The following DUSP4 variants were observed in gnomAD, a reference collection of about 807,000 sequenced individuals.
The protein encoded by DUSP4 is dual specificity phosphatase 4, also known as dual specificity protein phosphatase 4.
Under a neutral mutation model 27.2 loss-of-function variants are expected in DUSP4, and 12 were observed. The ratio of observed to expected loss-of-function variants is 0.44; its 90% CI spans 0.28 to 0.71. The LOEUF is 0.71. Among genes scored for constraint, DUSP4 ranks in the 30% least tolerant of loss-of-function variants. The probability of loss-of-function intolerance (pLI) is 0.14; values close to 1 mark genes in which losing one functional copy is unlikely to be tolerated. For missense variants in DUSP4, 448 were observed against 551.3 expected (o/e 0.81, Z 1.88); for synonymous variants, 257 against 245.2 (o/e 1.05, Z -0.45).
At chr8:29,340,942 A>T (rs970735041) in intron 1 of DUSP4, among the ~76,000 whole-genome samples, 3 of 152,288 alleles carry the variant, frequency 2.0e-5, no homozygotes, top group Non-Finnish European at 4.4e-5. Context: ...TAAAAAAAGA[A>T]GATGATGATA....
At chr8:29,348,862 G>A (rs1226400152) in intron 1 of DUSP4, 7 of 922,062 alleles carry the variant, frequency 7.6e-6, no homozygotes, top group Admixed American at 6.2e-5. Flanking sequence ...GGAATGCGGC[G>A]GCGGGAGGCG....
intron 1 of DUSP4, chr8:29,345,905 A>G: frequency 1.1e-6 from 1 of 904,156 alleles, no homozygotes; most frequent in Non-Finnish European, 1.3e-6. Context: ...CTTGGCTGTC[A>G]TGGGCATTGT....
Position 29,337,138 on chromosome 8 carries a change from G to T in DUSP4, c.1073C>A (p.Ala358Asp). The change falls in exon 4 of 4, where the codon GCC becomes GAC. Residue 358 changes from alanine to aspartate, a missense_variant. This residue lies in a region of DUSP4 where 100 missense variants were observed against 139.8 expected (regional missense o/e 0.72). Coordinates refer to ENST00000240100, the MANE Select transcript of DUSP4 (RefSeq NM_001394.7). The surrounding 1 kb of genome is among the most constrained non-coding windows in gnomAD (Gnocchi z 6.4). Reference sequence around the variant, plus strand: ...GAAGACGAACTGCGAGGTGGGGGTGGCGGGGGTCTTGCCCCGCTCCCGCAG... The same window carrying T: ...GAAGACGAACTGCGAGGTGGGGGTGTCGGGGGTCTTGCCCCGCTCCCGCAG... ...GPLRERGKTPATPTSQFVFSF... is the reference protein window; with the variant it reads ...GPLRERGKTPDTPTSQFVFSF... 1 of 1,611,082 alleles carries T rather than the reference G, an allele frequency of 6.2e-7. No individual in the cohort carries two copies.
intron 1 of DUSP4, among the ~76,000 whole-genome samples, chr8:29,340,973 T>C (rs1017116890): frequency 6.6e-6 from 1 of 151,598 alleles, no homozygotes; most frequent in Non-Finnish European, 1.5e-5. Context: ...TGAGCTGGGG[T>C]AGGGTGAGTG....
At position 29,337,534 on chromosome 8, in the gene DUSP4, C is replaced by A. The variant is rs1486004431; in HGVS notation, c.800-123G>T. The A allele has an allele frequency of 2.9e-6, 4 of 1,376,050 alleles. No homozygotes were observed. The highest frequency in any genetic ancestry group is 3.9e-6 in the Non-Finnish European group (4 of 1,033,680). The allele number at this position is 1,376,050 out of a possible 1,614,324, so 85.2% of individuals were successfully genotyped here. On this transcript the variant is annotated intron_variant, in intron 3 of 3. Transcript: ENST00000240100. This position sits in a 1 kb window ranked among gnomAD's most constrained non-coding sequence, Gnocchi z 6.4. The stretch of plus-strand genomic sequence containing the variant: ...AGGACTAGCCGTGCTAGACCAAGGA[C>A]TGGAGAGGAAGAAAACCCATGTAGG...
At chr8:29,341,811 G>A (rs1030666648) in intron 1 of DUSP4, among the ~76,000 whole-genome samples, 2 of 152,192 alleles carry the variant, frequency 1.3e-5, no homozygotes, top group African/African-American at 4.8e-5. Context: ...TCCTTCAGGG[G>A]CTTCTGTGAT....
At position 29,333,991 on chromosome 8, in the gene DUSP4, T is replaced by C. The variant is rs1817533991; in HGVS notation, c.*3035A>G. On this transcript the variant is annotated 3_prime_UTR_variant, in exon 4 of 4. Coordinates refer to ENST00000240100, the MANE Select transcript of DUSP4 (RefSeq NM_001394.7). ...TGGATGAGCAACTGAACAAAATGGC[T>C]TTGGGAGGGAATGATGGGAGCTGGG... 1 of 152,222 alleles carries C rather than the reference T, an allele frequency of 6.6e-6. No individual in the cohort carries two copies. Among genetic ancestry groups the C allele is most frequent in the African/African-American group, 2.4e-5 (1 of 41,422 alleles). The allele number at this position is 152,222 out of a possible 1,614,324, so 9.4% of individuals were successfully genotyped here.
chr8:29,347,699 G>C, intron 1 of DUSP4: 1 of 965,062 alleles, frequency 1.0e-6, no homozygotes, highest in Non-Finnish European at 1.2e-6. Context: ...GACTACGAGA[G>C]GCAGTGCAGG....
Position 29,336,160 on chromosome 8 carries a change from G to A in DUSP4, c.*866C>T, listed in dbSNP as rs749000515. On this transcript the variant is annotated 3_prime_UTR_variant, in exon 4 of 4. Transcript: ENST00000240100. ...CTTCCTCCTCCCACCCAACCCGCCTGCTTCTCAAGATGAGCCTTGGCAACA... is the reference window on the plus strand; with the variant it reads ...CTTCCTCCTCCCACCCAACCCGCCTACTTCTCAAGATGAGCCTTGGCAACA... 1 of 149,922 alleles carries A rather than the reference G, an allele frequency of 6.7e-6. No homozygotes were observed. Among genetic ancestry groups the A allele is most frequent in the Non-Finnish European group, 1.5e-5 (1 of 67,724 alleles). The allele number at this position is 149,922 out of a possible 1,614,324, so 9.3% of individuals were successfully genotyped here.
At chr8:29,344,376 T>C (rs771168055) in intron 1 of DUSP4, among the ~76,000 whole-genome samples, 1 of 152,244 alleles carries the variant, frequency 6.6e-6, no homozygotes, top group Non-Finnish European at 1.5e-5. Flanking sequence ...ATGAAATGAA[T>C]GTATTGAACG....
At chr8:29,338,153 A>G (rs1001507715) in intron 3 of DUSP4, 129 bp downstream of exon 3, 6 of 913,158 alleles carry the variant, frequency 6.6e-6, no homozygotes, top group Non-Finnish European at 1.0e-5. Flanking sequence ...CTTCCCAATG[A>G]GGAAGAGGGG....
intron 1 of DUSP4, chr8:29,348,302 A>T: frequency 1.0e-6 from 1 of 985,536 alleles, no homozygotes; most frequent in South Asian, 4.7e-5. Flanking sequence ...CAGCGCCGAC[A>T]AGCTCAAACA....
rs781516642 is a variant in DUSP4 at position 29,349,874 on chromosome 8, G to C, written c.405C>G (p.Ala135=). The change falls in exon 1 of 4, where the codon GCC becomes GCG. Residue 135 remains alanine, a synonymous_variant. Transcript: ENST00000240100. ...TGAGCAGGCAGATGTCGGTGCGCTC[G>C]GCGTTGCGGCGCAGCGCCTGCACCA... ...SLVVQALRRN[A]ERTDICLLKG... 3 of 1,510,040 alleles carry C rather than the reference G, an allele frequency of 2.0e-6. No homozygotes were observed. The highest frequency in any genetic ancestry group is 2.8e-5 in the African/African-American group (2 of 70,782). 93.5% of individuals were successfully genotyped at this position (1,510,040 alleles called of 1,614,324 possible).
intron 1 of DUSP4, among the ~76,000 whole-genome samples, chr8:29,349,419 T>A (rs1328755187): frequency 6.6e-6 from 1 of 152,142 alleles, no homozygotes; most frequent in Non-Finnish European, 1.5e-5. Context: ...TCACCTTTTC[T>A]CCACCTCTGG....
rs1817598479 is a variant in DUSP4, at chr8:29,337,605, C to A, written c.800-194G>T. Among the ~76,000 whole-genome samples the A allele has an allele frequency of 6.6e-6, 1 of 152,220 alleles. No individual in the cohort carries two copies. The highest frequency in any genetic ancestry group is 1.5e-5 in the Non-Finnish European group (1 of 68,036). ...AATTCTGAGGTCTATTTTCCCGAAT[C>A]ACTATGCTGAAGCTGGTTAAATCCT... On this transcript the variant is annotated intron_variant, in intron 3 of 3. Coordinates refer to ENST00000240100, the MANE Select transcript of DUSP4 (RefSeq NM_001394.7). The surrounding 1 kb of genome is among the most constrained non-coding windows in gnomAD (Gnocchi z 6.4).
chr8:29,333,848 C>G lies in DUSP4; in HGVS notation c.*3178G>C, dbSNP rs1345796655. ...GCTTGGTTGATGGCCAATTCCCAAT[C>G]TCCAGCCTCTTCCTGTCATGTTGGA... On this transcript the variant is annotated 3_prime_UTR_variant, in exon 4 of 4. Coordinates refer to ENST00000240100, the MANE Select transcript of DUSP4 (RefSeq NM_001394.7). 6.6e-6 allele frequency: 1 copy of G among 152,266 alleles called. No individual in the cohort carries two copies. The highest frequency in any genetic ancestry group is 1.9e-4 in the East Asian group (1 of 5,204). 9.4% of individuals were successfully genotyped at this position (152,266 alleles called of 1,614,324 possible). A position where few individuals can be genotyped will look rare whatever the true frequency, so the allele number is the denominator to read the frequency against.
chr8:29,334,752 A>T lies in DUSP4; in HGVS notation c.*2274T>A, dbSNP rs1817545108. The T allele has an allele frequency of 6.6e-6, 1 of 152,242 alleles. No individual in the cohort carries two copies. The highest frequency in any genetic ancestry group is 6.5e-5 in the Admixed American group (1 of 15,284). The allele number at this position is 152,242 out of a possible 1,614,324, so 9.4% of individuals were successfully genotyped here. A position where few individuals can be genotyped will look rare whatever the true frequency, so the allele number is the denominator to read the frequency against. ...TTCCAGGAATCAAGGAAAAAGTGGA[A>T]ATGTCCAACTGTGTTGTCTCTAAAT... On this transcript the variant is annotated 3_prime_UTR_variant, in exon 4 of 4. Transcript: ENST00000240100.
In DUSP4 at chr8:29,336,409, T is replaced by C. The variant is rs1178963387; in HGVS notation, c.*617A>G. ...CAGCTGTTTGACATCAACATAAATA[T>C]ATTCTAAATCCACTGTAACTAGACT... On this transcript the variant is annotated 3_prime_UTR_variant, in exon 4 of 4. Transcript: ENST00000240100. 1 of 152,304 alleles carries C rather than the reference T, an allele frequency of 6.6e-6. No homozygotes were observed. The highest frequency in any genetic ancestry group is 1.5e-5 in the Non-Finnish European group (1 of 68,096). The allele number at this position is 152,304 out of a possible 1,614,324, so 9.4% of individuals were successfully genotyped here. A position where few individuals can be genotyped will look rare whatever the true frequency, so the allele number is the denominator to read the frequency against.
Position 29,338,262 on chromosome 8 carries a change from C to T in DUSP4, c.799+20G>A, listed in dbSNP as rs1817606497. ...CCACCCGCCCTCAAACCCAGGAACC[C>T]CAGAGCAGGGCCAGCCTACCGATGT... On this transcript the variant is annotated intron_variant, in intron 3 of 3. Coordinates refer to ENST00000240100, the MANE Select transcript of DUSP4 (RefSeq NM_001394.7). 6.2e-7 allele frequency: 1 copy of T among 1,613,608 alleles called. No individual in the cohort carries two copies. Among genetic ancestry groups the T allele is most frequent in the African/African-American group, 1.3e-5 (1 of 74,880 alleles).
Sources: allele counts gnomAD v4.1 joint callset (sites outside exome capture counted in the v4.1 genomes callset), GRCh38; gene constraint gnomAD v4.1.1; regional missense constraint gnomAD v4.1.1; non-coding constraint Gnocchi (gnomAD v3.1); transcripts MANE v1.5; gene names NCBI Gene and HGNC (gene_info 2026-07-23, HGNC 2026-07-21).